Variants in RALGAPB observed in about 807,000 individuals in gnomAD.
RALGAPB encodes the protein ral GTPase-activating protein subunit beta.
Under a neutral mutation model 161.1 loss-of-function variants are expected in RALGAPB, and 25 were observed. The ratio of observed to expected loss-of-function variants is 0.16; its 90% CI spans 0.11 to 0.22. The LOEUF (loss-of-function observed/expected upper bound fraction) is 0.22, where lower values mean the gene tolerates loss of function less well. Ranked by LOEUF, RALGAPB falls within the 10% of genes least tolerant of loss-of-function variation. RALGAPB has a pLI of 1.00. For synonymous variants in RALGAPB, 629 were observed against 626.1 expected, an observed-to-expected ratio of 1.00 and a Z score of -0.07; for missense variants, 1,391 against 1,815.2, an observed-to-expected ratio of 0.77 and a Z score of 4.25.
chr20:38,574,690 G>A, intron 29 of RALGAPB, 84 bp from the exon 30 acceptor site: 1 of 1,335,772 alleles, frequency 7.5e-7, no homozygotes, highest in Non-Finnish European at 1.1e-6. Context: ...TGAGTATGCG[G>A]AGAATAGTTC....
At chr20:38,484,765 G>A (rs185329301) in intron 1 of RALGAPB, among the ~76,000 whole-genome samples, 5 of 152,110 alleles carry the variant, frequency 3.3e-5, no homozygotes, top group Admixed American at 3.3e-4. Context: ...GCGCGATCTC[G>A]GCTCACAGCA....
chr20:38,508,159 A>G (rs1403495302), intron 5 of RALGAPB, among the ~76,000 whole-genome samples: 11 of 151,578 alleles, frequency 7.3e-5, no homozygotes, highest in Non-Finnish European at 1.5e-4. Flanking sequence ...ATAATTTATA[A>G]GTAATATGCA....
rs756819801 is a variant in RALGAPB, at chr20:38,517,555, A to G, written c.1101A>G (p.Arg367=). The G allele has an allele frequency of 9.9e-6, 16 of 1,613,052 alleles. No individual in the cohort carries two copies. Among genetic ancestry groups the G allele is most frequent in the African/African-American group, 8.0e-5 (6 of 74,538 alleles). ...SDSAPPTPVN[R]LSMPQSAAVS... is the part of the protein sequence containing the mutation. ...GTGCTCCCCCAACACCCGTGAATAG[A>G]TTAAGTATGCCTCAAAGTGCTGCTG... The change falls in exon 8 of 30, where the codon AGA becomes AGG. Residue 367 remains arginine (R), a synonymous_variant. Coordinates refer to ENST00000262879, the MANE Select transcript of RALGAPB (RefSeq NM_020336.4).
intron 15 of RALGAPB, among the ~76,000 whole-genome samples, chr20:38,534,578 T>TA (rs1443927989): frequency 6.6e-6 from 1 of 152,228 alleles, no homozygotes; most frequent in African/African-American, 2.4e-5. Flanking sequence ...AATTAAATGT[T>TA]AAAGTATGTT....
At chr20:38,493,975 A>T (rs960451867) in intron 3 of RALGAPB, among the ~76,000 whole-genome samples, 1 of 152,112 alleles carries the variant, frequency 6.6e-6, no homozygotes, top group Non-Finnish European at 1.5e-5. Context: ...TCCCATCATG[A>T]TGTCTTTTTG....
intron 26 of RALGAPB, 24 bp from the exon 27 acceptor site, chr20:38,569,860 GCTCT>G (rs1446193626): frequency 1.5e-5 from 24 of 1,570,488 alleles, no homozygotes; most frequent in Non-Finnish European, 1.9e-5. Flanking sequence ...TGTTTTTCCC[GCTCT>G]CTGTCTTCTT....
chr20:38,559,455 G>A (rs2145478779), intron 23 of RALGAPB, among the ~76,000 whole-genome samples: 1 of 152,354 alleles, frequency 6.6e-6, no homozygotes, highest in Admixed American at 6.5e-5. Flanking sequence ...AGCACTTTGG[G>A]AGGCCGAGGC....
intron 4 of RALGAPB, among the ~76,000 whole-genome samples, 193 bp from the exon 5 acceptor site, chr20:38,499,254 G>T (rs2122948326): frequency 6.6e-6 from 1 of 152,210 alleles, no homozygotes. Flanking sequence ...AAAATTTTTT[G>T]ATGTGTCTGT....
intron 23 of RALGAPB, 76 bp downstream of exon 23, chr20:38,558,529 A>G (rs111540499): frequency 4.7e-6 from 6 of 1,278,972 alleles, no homozygotes; most frequent in Non-Finnish European, 6.3e-6. Flanking sequence ...AATTGAGGCA[A>G]AATTAATATG....
Position 38,472,869 on chromosome 20 carries a change from A to G in RALGAPB, c.-231A>G. The G allele has an allele frequency of 2.5e-6, 1 of 398,968 alleles. No homozygotes were observed. 24.7% of individuals were successfully genotyped at this position (398,968 alleles called of 1,614,324 possible). On this transcript the variant is annotated 5_prime_UTR_variant, in exon 1 of 30. Coordinates refer to ENST00000262879, the MANE Select transcript of RALGAPB (RefSeq NM_020336.4). ...GTCGGAAGTTGCCTGAGCAGATCCC[A>G]GCCGGCTGGCTCGAGTGGCCTTCGT... is the stretch of plus-strand genomic sequence containing the variant.
chr20:38,475,607 AT>A (rs925206723), intron 1 of RALGAPB, among the ~76,000 whole-genome samples: 76 of 148,590 alleles, frequency 5.1e-4, no homozygotes, highest in African/African-American at 1.6e-3. Context: ...ATTTCATAAA[AT>A]TTTTTTTTTC....
chr20:38,483,311 G>A (rs1342652024), intron 1 of RALGAPB, among the ~76,000 whole-genome samples: 1 of 152,192 alleles, frequency 6.6e-6, no homozygotes, highest in African/African-American at 2.4e-5. Context: ...CCTAGTTCCA[G>A]AGCACTGGCT....
At chr20:38,493,956 A>G (rs1600850194) in intron 3 of RALGAPB, among the ~76,000 whole-genome samples, 1 of 152,212 alleles carries the variant, frequency 6.6e-6, no homozygotes, top group Middle Eastern at 3.4e-3. Flanking sequence ...AAGACCTCCT[A>G]AAGATCTTTC....
In RALGAPB at chr20:38,577,964, G is replaced by C. The variant is rs1051074204; in HGVS notation, c.*2997G>C. 5.9e-5 allele frequency: 9 copies of C among 152,110 alleles called. No individual in the cohort carries two copies. The highest frequency in any genetic ancestry group is 1.0e-4 in the Non-Finnish European group (7 of 68,038). The allele number at this position is 152,110 out of a possible 1,614,324, so 9.4% of individuals were successfully genotyped here. On this transcript the variant is annotated 3_prime_UTR_variant, in exon 30 of 30. Coordinates refer to ENST00000262879, the MANE Select transcript of RALGAPB (RefSeq NM_020336.4). ...TTCTAGAGAGGCAGAGTCTTTAAGA[G>C]TATTCATTTCTTCTGGAAGGTGGAG...
chr20:38,559,921 G>A (rs773361347), intron 23 of RALGAPB, among the ~76,000 whole-genome samples: 13 of 152,144 alleles, frequency 8.5e-5, no homozygotes, highest in Middle Eastern at 3.2e-3. Context: ...GTAAAATGTC[G>A]TATTCAGATG....
chr20:38,488,326 T>A, intron 1 of RALGAPB, 77 bp from the exon 2 acceptor site: 1 of 915,910 alleles, frequency 1.1e-6, no homozygotes, highest in Non-Finnish European at 1.7e-6. Flanking sequence ...ATGCCAATAG[T>A]CTATACATCT....
chr20:38,549,585 T>TACAC (rs11470933), intron 20 of RALGAPB, among the ~76,000 whole-genome samples: 7 of 147,482 alleles, frequency 4.7e-5, no homozygotes, highest in African/African-American at 7.5e-5. Flanking sequence ...CACATACATA[T>TACAC]ACACACACAC....
chr20:38,554,201 C>A, intron 22 of RALGAPB, 125 bp downstream of exon 22: 1 of 888,856 alleles, frequency 1.1e-6, no homozygotes. Flanking sequence ...AAATTTTAGC[C>A]TGCATACAAA....
At chr20:38,540,218 T>C (rs1279429253) in intron 17 of RALGAPB, among the ~76,000 whole-genome samples, 1 of 152,208 alleles carries the variant, frequency 6.6e-6, no homozygotes, top group African/African-American at 2.4e-5. Flanking sequence ...CTATCAAGAT[T>C]GTTCTTTCTT....
Sources: allele counts gnomAD v4.1 joint callset (sites outside exome capture counted in the v4.1 genomes callset), GRCh38; gene constraint gnomAD v4.1.1; transcripts MANE v1.5; gene names NCBI Gene and HGNC (gene_info 2026-07-23, HGNC 2026-07-21).